GALNT18: variants seen among roughly 807,000 people sequenced by gnomAD.
The protein encoded by GALNT18 is GalNAc-transferase 18.
Under a neutral mutation model 69.5 loss-of-function variants are expected in GALNT18, and 44 were observed. The ratio of observed to expected loss-of-function variants is 0.63; its 90% CI spans 0.50 to 0.81. The LOEUF (loss-of-function observed/expected upper bound fraction) is 0.81, where lower values mean the gene tolerates loss of function less well. Ranked by LOEUF, GALNT18 falls within the 40% of genes least tolerant of loss-of-function variation. The pLI, the probability that GALNT18 is intolerant of heterozygous loss-of-function variation, is 0.00. For missense variants in GALNT18, 715 were observed against 810.0 expected (o/e 0.88, Z 1.42); for synonymous variants, 364 against 318.2 (o/e 1.14, Z -1.53).
Position 11,555,346 on chromosome 11 carries a change from C to T in GALNT18, c.235+66013G>A, listed in dbSNP as rs1460191281. 6.6e-6 allele frequency among the ~76,000 whole-genome samples: 1 copy of T among 152,226 alleles called. No individual in the cohort carries two copies. ...ACACAGTGTAAACGTTTGCCAGAAA[C>T]AGGCTTCTCATCTTCCCCAACCCCA... is the stretch of plus-strand genomic sequence containing the variant. On this transcript the variant is annotated intron_variant, in intron 1 of 10. Transcript: ENST00000227756. This position sits in a 1 kb window ranked among gnomAD's most constrained non-coding sequence, Gnocchi z 4.7.
At chr11:11,545,978 A>C (rs902219578) in intron 1 of GALNT18, among the ~76,000 whole-genome samples, 2 of 152,134 alleles carry the variant, frequency 1.3e-5, no homozygotes, top group East Asian at 3.9e-4. Context: ...AAAAGAACAG[A>C]GCTAACTTCT....
At chr11:11,290,676 A>AT (rs1849281313) in intron 10 of GALNT18, among the ~76,000 whole-genome samples, 2 of 152,174 alleles carry the variant, frequency 1.3e-5, no homozygotes, top group African/African-American at 4.8e-5. Flanking sequence ...TTCCCAATTA[A>AT]GTACATTGTC....
In GALNT18 at chr11:11,323,066, C is replaced by T. The variant is rs555484909; in HGVS notation, c.1512+4020G>A. On this transcript the variant is annotated intron_variant, in intron 9 of 10. Transcript: ENST00000227756. ...AATACTACCAGGGTCAGGGTTTCAA[C>T]ATATGATTTTCAAGGAGGGGCACAA... Among the ~76,000 whole-genome samples, 79 of 152,296 alleles carry T rather than the reference C, an allele frequency of 5.2e-4. 1 individual carries two copies. Among genetic ancestry groups the T allele is most frequent in the African/African-American group, 1.9e-3 (77 of 41,554 alleles).
chr11:11,296,351 G>A (rs763638552), intron 9 of GALNT18, among the ~76,000 whole-genome samples: 4 of 152,270 alleles, frequency 2.6e-5, no homozygotes, highest in Middle Eastern at 3.4e-3. Flanking sequence ...ACTGTGTGGA[G>A]CCTCAGCCTG....
chr11:11,567,823 G>A (rs983481503), intron 1 of GALNT18, among the ~76,000 whole-genome samples: 5 of 152,200 alleles, frequency 3.3e-5, no homozygotes, highest in African/African-American at 1.2e-4. Context: ...CTATGTCCTA[G>A]GGAGATAAAC....
intron 7 of GALNT18, among the ~76,000 whole-genome samples, chr11:11,333,659 G>C (rs543818825): frequency 2.7e-3 from 416 of 152,278 alleles, no homozygotes; most frequent in African/African-American, 9.6e-3. Context: ...TTGGCATCTA[G>C]AGTACTTGTT....
intron 9 of GALNT18, among the ~76,000 whole-genome samples, chr11:11,308,338 A>G (rs1051716868): frequency 6.6e-6 from 1 of 152,102 alleles, no homozygotes; most frequent in African/African-American, 2.4e-5. Context: ...CAATTCACTA[A>G]ATATGTCCCT....
intron 1 of GALNT18, among the ~76,000 whole-genome samples, chr11:11,589,087 C>A (rs1859291389): frequency 6.6e-6 from 1 of 152,166 alleles, no homozygotes. Context: ...GACTCTGAAA[C>A]CCAGACAAAA....
chr11:11,549,014 T>G (rs915784053), intron 1 of GALNT18, among the ~76,000 whole-genome samples: 1 of 152,210 alleles, frequency 6.6e-6, no homozygotes, highest in Non-Finnish European at 1.5e-5. Flanking sequence ...CAGCTTCCCT[T>G]AAATTTTGGC....
rs2133677539 is a variant in GALNT18 at position 11,372,886 on chromosome 11, G to A, written c.978-257C>T. On this transcript the variant is annotated intron_variant, in intron 5 of 10. Coordinates refer to ENST00000227756, the MANE Select transcript of GALNT18 (RefSeq NM_198516.3). This position sits in a 1 kb window ranked among gnomAD's most constrained non-coding sequence, Gnocchi z 4.9. ...TGGGGTGGTGCTTGTGTGTGTGTTAGCTTTGAGAATTGGTGCTCAGCCTGC... is the reference window on the plus strand; with the variant it reads ...TGGGGTGGTGCTTGTGTGTGTGTTAACTTTGAGAATTGGTGCTCAGCCTGC... 6.6e-6 allele frequency among the ~76,000 whole-genome samples: 1 copy of A among 152,278 alleles called. No individual in the cohort carries two copies. Among genetic ancestry groups the A allele is most frequent in the South Asian group, 2.1e-4 (1 of 4,832 alleles).
Position 11,591,637 on chromosome 11 carries a change from T to C in GALNT18, c.235+29722A>G, listed in dbSNP as rs1859363662. On this transcript the variant is annotated intron_variant, in intron 1 of 10. Coordinates refer to ENST00000227756, the MANE Select transcript of GALNT18 (RefSeq NM_198516.3). The surrounding 1 kb of genome is among the most constrained non-coding windows in gnomAD (Gnocchi z 4.8). The stretch of plus-strand genomic sequence containing the variant: ...TCCTGCTGTCATTTTAAAACAACTT[T>C]ATGGAAATGCTCCCTCCTGGGTGAA... Among the ~76,000 whole-genome samples the C allele has an allele frequency of 6.6e-6, 1 of 152,172 alleles. No individual in the cohort carries two copies. Among genetic ancestry groups the C allele is most frequent in the African/African-American group, 2.4e-5 (1 of 41,444 alleles).
intron 3 of GALNT18, among the ~76,000 whole-genome samples, chr11:11,424,710 G>A (rs965076708): frequency 6.6e-6 from 1 of 152,064 alleles, no homozygotes; most frequent in Non-Finnish European, 1.5e-5. Context: ...GAGGAGCCAG[G>A]GTGCGTGGGA....
intron 3 of GALNT18, among the ~76,000 whole-genome samples, chr11:11,420,004 G>A (rs1054245023): frequency 6.6e-6 from 1 of 152,140 alleles, no homozygotes; most frequent in Non-Finnish European, 1.5e-5. Flanking sequence ...GACTGTAAGA[G>A]CAGAAGGGGT....
chr11:11,485,677 T>C (rs1020547447), intron 1 of GALNT18, among the ~76,000 whole-genome samples: 47 of 152,136 alleles, frequency 3.1e-4, no homozygotes, highest in African/African-American at 1.1e-3. Flanking sequence ...GGGCACCAAC[T>C]GTATACCAAC....
rs559556033 is a variant in GALNT18, at chr11:11,497,400, G to A, written c.236-48464C>T. Among the ~76,000 whole-genome samples the A allele has an allele frequency of 2.5e-4, 36 of 142,158 alleles. No homozygotes were observed. Among genetic ancestry groups the A allele is most frequent in the Non-Finnish European group, 4.2e-4 (28 of 66,076 alleles). The allele number at this position is 142,158 out of a possible 152,430, so 93.3% of individuals were successfully genotyped here. On this transcript the variant is annotated intron_variant, in intron 1 of 10. Coordinates refer to ENST00000227756, the MANE Select transcript of GALNT18 (RefSeq NM_198516.3). The surrounding 1 kb of genome is among the most constrained non-coding windows in gnomAD (Gnocchi z 4.2). ...TTAGAATGGGGCTCCTTAAGAGCAG[G>A]GACTTTATGGGTCTTATGGAGCAAG...
chr11:11,570,279 T>C lies in GALNT18; in HGVS notation c.235+51080A>G, dbSNP rs201241204. ...TGCCCTCCACCCGCTCTGTTCTCCA[T>C]GCCGTGGCCAGAACAACCTGATAGC... On this transcript the variant is annotated intron_variant, in intron 1 of 10. Transcript: ENST00000227756. 8 of 153,054 alleles carry C rather than the reference T, an allele frequency of 5.2e-5. No homozygotes were observed. In the East Asian group the frequency reaches 1.5e-3, roughly 29 times the overall value. The allele number at this position is 153,054 out of a possible 1,614,324, so 9.5% of individuals were successfully genotyped here. A position where few individuals can be genotyped will look rare whatever the true frequency, so the allele number is the denominator to read the frequency against.
rs1860049318 is a variant in GALNT18, at chr11:11,616,333, G to A, written c.235+5026C>T. On this transcript the variant is annotated intron_variant, in intron 1 of 10. Transcript: ENST00000227756. The surrounding 1 kb of genome is among the most constrained non-coding windows in gnomAD (Gnocchi z 4.4). The stretch of plus-strand genomic sequence containing the variant: ...ACACCCAATGCTGGCCAGGCTCCAT[G>A]ACTTTGGTACAATAAGACACTGTTG... Among the ~76,000 whole-genome samples, 3 of 152,198 alleles carry A rather than the reference G, an allele frequency of 2.0e-5. No individual in the cohort carries two copies. In the South Asian group the frequency reaches 6.2e-4, roughly 31 times the overall value.
chr11:11,567,844 C>G (rs1342759618), intron 1 of GALNT18, among the ~76,000 whole-genome samples: 1 of 152,192 alleles, frequency 6.6e-6, no homozygotes, highest in South Asian at 2.1e-4. Context: ...ATCCTATATA[C>G]CTAGGGAGAT....
chr11:11,537,861 G>A (rs1343282690), intron 1 of GALNT18, among the ~76,000 whole-genome samples: 1 of 152,152 alleles, frequency 6.6e-6, no homozygotes, highest in Non-Finnish European at 1.5e-5. Context: ...AAATCTGATG[G>A]CTCTATTTGC....
Sources: allele counts gnomAD v4.1 joint callset (sites outside exome capture counted in the v4.1 genomes callset), GRCh38; gene constraint gnomAD v4.1.1; non-coding constraint Gnocchi (gnomAD v3.1); transcripts MANE v1.5; gene names NCBI Gene and HGNC (gene_info 2026-07-23, HGNC 2026-07-21).